Variants in MYBPC2 observed in about 807,000 individuals in gnomAD.
The protein encoded by MYBPC2 is myosin-binding protein C, fast-type.
MYBPC2 carries 122 observed loss-of-function variants against 137.0 expected under a neutral mutation model. The observed-to-expected ratio is 0.89, with a 90% confidence interval of 0.77 to 1.03. The LOEUF is 1.03. Among genes scored for constraint, MYBPC2 ranks in the 50% least tolerant of loss-of-function variants. MYBPC2 has a pLI of 0.00. For synonymous variants in MYBPC2, 626 were observed against 612.3 expected, an observed-to-expected ratio of 1.02 and a Z score of -0.33; for missense variants, 1,500 against 1,534.4, an observed-to-expected ratio of 0.98 and a Z score of 0.37.
Position 50,451,879 on chromosome 19 carries a change from A to T in MYBPC2, c.1625A>T (p.His542Leu), listed in dbSNP as rs1356265940. Reference sequence around the variant, plus strand: ...GTGCCACCAGAGCCACCAAAGATCCACTTGGATTGCTCGGGGAAGACCTCA... The same window carrying T: ...GTGCCACCAGAGCCACCAAAGATCCTCTTGGATTGCTCGGGGAAGACCTCA... Reference protein sequence around the residue: ...YVPKQEPPKIHLDCSGKTSEN... With the variant: ...YVPKQEPPKILLDCSGKTSEN... Residue 542 changes from histidine to leucine, a missense_variant, in exon 16 of 28, where the codon CAC becomes CTC. Physicochemically the swap from His to Leu is moderately conservative, Grantham distance 99. Coordinates refer to ENST00000357701, the MANE Select transcript of MYBPC2 (RefSeq NM_004533.4). 6.3e-7 allele frequency: 1 copy of T among 1,592,666 alleles called. No individual in the cohort carries two copies. The highest frequency in any genetic ancestry group is 8.6e-7 in the Non-Finnish European group (1 of 1,169,446).
In MYBPC2 at chr19:50,459,239, G is replaced by A. The variant is rs544074287; in HGVS notation, c.2724G>A (p.Gly908=). ...FVRQAARSDS[G]EYELSVQIEN... is the part of the protein sequence containing the mutation. ...GCCAGGCGGCCCGCTCCGACTCCGGGGAGTACGAGCTGAGCGTGCAGATCG... is the reference window on the plus strand; with the variant it reads ...GCCAGGCGGCCCGCTCCGACTCCGGAGAGTACGAGCTGAGCGTGCAGATCG... Residue 908 remains glycine (G), a synonymous_variant, in exon 23 of 28, where the codon GGG becomes GGA. Transcript: ENST00000357701. The A allele has an allele frequency of 2.5e-6, 4 of 1,611,528 alleles. No homozygotes were observed. Among genetic ancestry groups the A allele is most frequent in the African/African-American group, 1.3e-5 (1 of 74,868 alleles).
In MYBPC2 at chr19:50,459,176, CG is replaced by C. The variant is rs748677395; in HGVS notation, c.2662del (p.Val888CysfsTer25). ...CCCCGCTGGACACCTCCCGCGTGCA[CG>C]TGCGGACCAGCGACTTCGACACCGT... ...GAPLDTSRVH[V>X]RTSDFDTVFF... On this transcript the variant is annotated frameshift_variant, in exon 23 of 28. Coordinates refer to ENST00000357701, the MANE Select transcript of MYBPC2 (RefSeq NM_004533.4). LOFTEE classifies it high-confidence loss of function. 6 of 1,606,484 alleles carry C rather than the reference CG, an allele frequency of 3.7e-6. No individual in the cohort carries two copies. Among genetic ancestry groups the C allele is most frequent in the Non-Finnish European group, 5.1e-6 (6 of 1,178,062 alleles).
At chr19:50,438,445 G>C (rs1342114749) in intron 7 of MYBPC2, among the ~76,000 whole-genome samples, 1 of 152,156 alleles carries the variant, frequency 6.6e-6, no homozygotes, top group African/African-American at 2.4e-5. Context: ...GTGGGTGGAC[G>C]ATGAATGGAT....
chr19:50,443,370 C>A (rs2039773006), intron 9 of MYBPC2, 124 bp from the exon 10 acceptor site: 2 of 1,214,058 alleles, frequency 1.6e-6, no homozygotes, highest in Non-Finnish European at 2.2e-6. Flanking sequence ...CCCTCAATCC[C>A]TTTCCACACA....
intron 23 of MYBPC2, 129 bp from the exon 24 acceptor site, chr19:50,459,911 T>C: frequency 7.5e-7 from 1 of 1,324,918 alleles, no homozygotes; most frequent in South Asian, 1.3e-5. Flanking sequence ...GGGGAGGCCA[T>C]AGGCAGGAAT....
chr19:50,459,932 C>A (rs2039955786), intron 23 of MYBPC2, 108 bp from the exon 24 acceptor site: 1 of 1,433,522 alleles, frequency 7.0e-7, no homozygotes, highest in South Asian at 1.3e-5. Context: ...GGGAATGGGG[C>A]ATAAGAGAGG....
At chr19:50,457,422 C>G (rs1334474274) in intron 20 of MYBPC2, among the ~76,000 whole-genome samples, 4 of 152,212 alleles carry the variant, frequency 2.6e-5, no homozygotes, top group Non-Finnish European at 5.9e-5. Flanking sequence ...CTGACCCTGC[C>G]CTCAGCCCGC....
chr19:50,440,908 A>G lies in MYBPC2; in HGVS notation c.601A>G (p.Lys201Glu). Residue 201 changes from lysine to glutamate, a missense_variant, in exon 8 of 28, where the codon AAA becomes GAA. By Grantham distance (56) the Lys-to-Glu change is moderately conservative (BLOSUM62 1). Transcript: ENST00000357701. ...GGTGGTGGAGGAGGAGAAGAAGAAGAAAAAGAAAGATGACGATGACCTAGG... is the reference window on the plus strand; with the variant it reads ...GGTGGTGGAGGAGGAGAAGAAGAAGGAAAAGAAAGATGACGATGACCTAGG... ...REVVEEEKKK[K>E]KKDDDDLGIP... is the part of the protein sequence containing the mutation. 6.2e-7 allele frequency: 1 copy of G among 1,613,470 alleles called. No individual in the cohort carries two copies. Among genetic ancestry groups the G allele is most frequent in the Non-Finnish European group, 8.5e-7 (1 of 1,179,664 alleles).
At chr19:50,436,587 G>A (rs117858598) in intron 4 of MYBPC2, 30 bp from the exon 5 acceptor site, 111,248 of 1,594,076 alleles carry the variant, frequency 0.07, 4,677 homozygotes, top group Non-Finnish European at 0.084. Context: ...GGGTGGTCCC[G>A]TGCACCCACA....
intron 13 of MYBPC2, among the ~76,000 whole-genome samples, 171 bp downstream of exon 13, chr19:50,448,561 C>T (rs190337858): frequency 1.6e-4 from 24 of 152,106 alleles, no homozygotes; most frequent in Non-Finnish European, 2.2e-4. Flanking sequence ...CTCCGCCTCC[C>T]GGATTCAAGC....
intron 11 of MYBPC2, 134 bp downstream of exon 11, chr19:50,443,950 C>A: frequency 1.3e-6 from 1 of 783,762 alleles, no homozygotes. Flanking sequence ...CCCAGGAGAT[C>A]TCAGCTTTTC....
rs1341472949 is a variant in MYBPC2, at chr19:50,432,915, C to G, written c.-39C>G. On this transcript the variant is annotated 5_prime_UTR_variant, in exon 1 of 28. Coordinates refer to ENST00000357701, the MANE Select transcript of MYBPC2 (RefSeq NM_004533.4). This position sits in a 1 kb window ranked among gnomAD's most constrained non-coding sequence, Gnocchi z 5.5. Reference sequence around the variant, plus strand: ...CTGTCCTCCCTAGGGCCTAGCGGGACGCGGCTGCGGTCAGAGGAGCAGGAG... The same window carrying G: ...CTGTCCTCCCTAGGGCCTAGCGGGAGGCGGCTGCGGTCAGAGGAGCAGGAG... The G allele has an allele frequency of 6.2e-7, 1 of 1,601,542 alleles. No homozygotes were observed. Among genetic ancestry groups the G allele is most frequent in the East Asian group, 2.3e-5 (1 of 44,406 alleles).
chr19:50,454,416 T>G (rs1555797532), intron 18 of MYBPC2, 47 bp downstream of exon 18: 2 of 1,200,640 alleles, frequency 1.7e-6, no homozygotes, highest in Middle Eastern at 2.3e-4. Flanking sequence ...TCTTTCTGCC[T>G]TCTGTTTTTT....
Position 50,465,329 on chromosome 19 carries a change from C to T in MYBPC2, c.3415+797C>T, listed in dbSNP as rs1037967329. ...CACATGCTCTTCCCTCTTCCTGGAACACAATTCCCCCGCTCCTTTACCCTG... is the reference window on the plus strand; with the variant it reads ...CACATGCTCTTCCCTCTTCCTGGAATACAATTCCCCCGCTCCTTTACCCTG... On this transcript the variant is annotated intron_variant, in intron 27 of 27. Coordinates refer to ENST00000357701, the MANE Select transcript of MYBPC2 (RefSeq NM_004533.4). The surrounding 1 kb of genome is among the most constrained non-coding windows in gnomAD (Gnocchi z 4.5). 1.3e-5 allele frequency among the ~76,000 whole-genome samples: 2 copies of T among 152,230 alleles called. No homozygotes were observed. The highest frequency in any genetic ancestry group is 4.8e-5 in the African/African-American group (2 of 41,458).
In MYBPC2 at chr19:50,435,944, C is replaced by G. The variant is rs2039698936; in HGVS notation, c.197-68C>G. On this transcript the variant is annotated intron_variant, in intron 3 of 27. Transcript: ENST00000357701. This position sits in a 1 kb window ranked among gnomAD's most constrained non-coding sequence, Gnocchi z 4.8. Reference sequence around the variant, plus strand: ...GAGGGGCCAGGGTCTCGTTCTGTCTCCCTCTGGAGAGCCTTATGTTCCTTC... The same window carrying G: ...GAGGGGCCAGGGTCTCGTTCTGTCTGCCTCTGGAGAGCCTTATGTTCCTTC... The G allele has an allele frequency of 1.3e-6, 2 of 1,550,078 alleles. No homozygotes were observed. The highest frequency in any genetic ancestry group is 2.7e-5 in the African/African-American group (2 of 73,086).
intron 11 of MYBPC2, 141 bp downstream of exon 11, chr19:50,443,957 T>C (rs1373645383): frequency 1.3e-6 from 1 of 770,758 alleles, no homozygotes; most frequent in Non-Finnish European, 2.1e-6. Context: ...GATCTCAGCT[T>C]TTCTCTATAA....
chr19:50,464,444 C>A lies in MYBPC2; in HGVS notation c.3327C>A (p.Arg1109=). Reference sequence around the variant, plus strand: ...GAGTCCTGACGCTGAACATCCGTCGCCCCTCGCCCTTCGACGCTGGGACTT... The same window carrying A: ...GAGTCCTGACGCTGAACATCCGTCGACCCTCGCCCTTCGACGCTGGGACTT... ...YQGVLTLNIR[R]PSPFDAGTYT... Residue 1109 remains arginine (R), a synonymous_variant, in exon 27 of 28, where the codon CGC becomes CGA. Transcript: ENST00000357701. The A allele has an allele frequency of 6.2e-7, 1 of 1,611,994 alleles. No homozygotes were observed. The highest frequency in any genetic ancestry group is 8.5e-7 in the Non-Finnish European group (1 of 1,179,254).
chr19:50,457,043 C>T (rs1032012425), intron 20 of MYBPC2, among the ~76,000 whole-genome samples: 6 of 152,174 alleles, frequency 3.9e-5, no homozygotes, highest in Non-Finnish European at 7.3e-5. Flanking sequence ...CAGACAGATG[C>T]GGGTTCCAAC....
chr19:50,441,156 G>T, intron 8 of MYBPC2, 80 bp downstream of exon 8: 1 of 1,404,026 alleles, frequency 7.1e-7, no homozygotes, highest in Non-Finnish European at 9.4e-7. Flanking sequence ...TTGGACCCTG[G>T]ACCTATCTTT....
Sources: gnomAD v4.1 joint callset for allele counts (sites outside exome capture counted in the v4.1 genomes callset) on GRCh38, gnomAD v4.1.1 for gene constraint, Gnocchi (gnomAD v3.1) non-coding constraint, MANE v1.5 for transcripts, NCBI Gene and HGNC (gene_info 2026-07-23, HGNC 2026-07-21) for gene names.